RIMS1: variants seen among roughly 807,000 people sequenced by gnomAD.
RIMS1 encodes the protein regulating synaptic membrane exocytosis protein 1.
A neutral mutation model predicts 214.1 loss-of-function variants in RIMS1; 83 were observed. The observed-to-expected ratio is 0.39, with a 90% confidence interval of 0.32 to 0.47. The LOEUF (loss-of-function observed/expected upper bound fraction) is 0.47, where lower values mean the gene tolerates loss of function less well. Ranked by LOEUF, RIMS1 falls within the 20% of genes least tolerant of loss-of-function variation. The probability of loss-of-function intolerance (pLI) is 0.99; values close to 1 mark genes in which losing one functional copy is unlikely to be tolerated. For missense variants in RIMS1, 2,050 were observed against 2,161.8 expected, an observed-to-expected ratio of 0.95 and a Z score of 1.03; for synonymous variants, 793 against 786.8, an observed-to-expected ratio of 1.01 and a Z score of -0.13.
chr6:72,220,497 G>A (rs2154034551), intron 6 of RIMS1, among the ~76,000 whole-genome samples: 1 of 152,146 alleles, frequency 6.6e-6, no homozygotes, highest in South Asian at 2.1e-4. Context: ...TTCAGTGGTA[G>A]AAAAAGTCCT....
chr6:71,950,281 AT>A (rs985443713), intron 1 of RIMS1, among the ~76,000 whole-genome samples: 45 of 152,120 alleles, frequency 3.0e-4, no homozygotes, highest in African/African-American at 1.1e-3. Context: ...TGTTTTTACT[AT>A]GGTGATGGCT....
At chr6:71,952,222 T>C (rs1022658385) in intron 1 of RIMS1, among the ~76,000 whole-genome samples, 14 of 152,188 alleles carry the variant, frequency 9.2e-5, no homozygotes, top group Non-Finnish European at 1.8e-4. Flanking sequence ...CTTCCCACCA[T>C]CACTCTATGC....
At chr6:72,254,703 C>CT (rs1315832526) in intron 16 of RIMS1, among the ~76,000 whole-genome samples, 12 of 152,128 alleles carry the variant, frequency 7.9e-5, no homozygotes, top group African/African-American at 2.4e-4. Flanking sequence ...GTTTCTTCCT[C>CT]TTTCTCTGAG....
intron 29 of RIMS1, among the ~76,000 whole-genome samples, chr6:72,378,815 G>A (rs1298563682): frequency 6.6e-6 from 1 of 152,082 alleles, no homozygotes; most frequent in African/African-American, 2.4e-5. Context: ...CTCCAGCCTG[G>A]GCGACAGAGT....
intron 1 of RIMS1, 121 bp downstream of exon 1, chr6:71,887,308 C>T (rs1411217536): frequency 2.2e-5 from 28 of 1,291,616 alleles, no homozygotes; most frequent in Non-Finnish European, 2.6e-5. Context: ...TGGGTGCGGA[C>T]GGAGGCGCCC....
chr6:72,311,658 T>A (rs1185011522), intron 27 of RIMS1, among the ~76,000 whole-genome samples: 1 of 152,178 alleles, frequency 6.6e-6, no homozygotes, highest in African/African-American at 2.4e-5. Context: ...TGGGAATTAT[T>A]TTCATGCCTG....
At chr6:72,076,411 A>G (rs754708813) in intron 2 of RIMS1, among the ~76,000 whole-genome samples, 9 of 152,098 alleles carry the variant, frequency 5.9e-5, no homozygotes, top group Non-Finnish European at 1.2e-4. Flanking sequence ...GGAGAGAGGG[A>G]GAGGGTTCTG....
intron 10 of RIMS1, among the ~76,000 whole-genome samples, chr6:72,243,765 A>T: frequency 6.6e-6 from 1 of 151,870 alleles, no homozygotes; most frequent in South Asian, 2.1e-4. Context: ...TTAATTAAGA[A>T]GTAATCATCT....
chr6:72,070,679 G>C (rs1206171102), intron 2 of RIMS1, among the ~76,000 whole-genome samples: 2 of 152,196 alleles, frequency 1.3e-5, no homozygotes, highest in African/African-American at 4.8e-5. Flanking sequence ...CTGAACCACT[G>C]AACAAGATTT....
At chr6:72,058,215 C>T (rs976578965) in intron 2 of RIMS1, among the ~76,000 whole-genome samples, 6 of 152,214 alleles carry the variant, frequency 3.9e-5, no homozygotes, top group Non-Finnish European at 5.9e-5. Flanking sequence ...ATTCCCAGAA[C>T]TTACCTTACT....
chr6:72,374,783 A>G (rs1422648313), intron 29 of RIMS1, among the ~76,000 whole-genome samples: 1 of 152,118 alleles, frequency 6.6e-6, no homozygotes, highest in Non-Finnish European at 1.5e-5. Flanking sequence ...TTATTATTAC[A>G]TTGCAATATA....
intron 31 of RIMS1, among the ~76,000 whole-genome samples, chr6:72,394,471 G>A (rs899013586): frequency 7.9e-5 from 12 of 152,032 alleles, no homozygotes; most frequent in African/African-American, 2.9e-4. Flanking sequence ...GGGTAGGAAG[G>A]CAGTGAAAGA....
At chr6:72,389,543 C>T (rs1015134115) in intron 29 of RIMS1, among the ~76,000 whole-genome samples, 1 of 152,120 alleles carries the variant, frequency 6.6e-6, no homozygotes. Flanking sequence ...AATGGCTTAT[C>T]TAAGAGTGTA....
intron 2 of RIMS1, among the ~76,000 whole-genome samples, chr6:71,978,451 G>A (rs982399398): frequency 6.6e-6 from 1 of 151,612 alleles, no homozygotes; most frequent in East Asian, 1.9e-4. Flanking sequence ...TAGTCTGTTG[G>A]GACAGAAGAT....
intron 4 of RIMS1, among the ~76,000 whole-genome samples, chr6:72,153,516 C>G (rs974725954): frequency 2.6e-5 from 4 of 151,980 alleles, no homozygotes; most frequent in Non-Finnish European, 1.5e-5. Context: ...TGGCCATGTT[C>G]TAATCTCTAT....
chr6:71,937,506 G>A (rs1162184903), intron 1 of RIMS1, among the ~76,000 whole-genome samples: 2 of 152,126 alleles, frequency 1.3e-5, no homozygotes, highest in East Asian at 3.9e-4. Flanking sequence ...GCCTTCCTGG[G>A]CCTCCCAAAG....
At chr6:72,357,709 A>G (rs2097691186) in intron 29 of RIMS1, among the ~76,000 whole-genome samples, 1 of 152,110 alleles carries the variant, frequency 6.6e-6, no homozygotes, top group Non-Finnish European at 1.5e-5. Flanking sequence ...ATCCTTCTTT[A>G]CTTGATTTTT....
intron 29 of RIMS1, among the ~76,000 whole-genome samples, chr6:72,358,629 G>C (rs1328741600): frequency 6.6e-6 from 1 of 152,124 alleles, no homozygotes; most frequent in African/African-American, 2.4e-5. Context: ...TCAAGGAAAA[G>C]CATGGGTTTT....
Position 72,075,463 on chromosome 6 carries a change from C to A in RIMS1, c.246-21486C>A, listed in dbSNP as rs573392948. The stretch of plus-strand genomic sequence containing the variant: ...GAGATATCCTTCTAATGATAAAGTC[C>A]ATTATTCAGAAATCATTTTAAGAAA... On this transcript the variant is annotated intron_variant, in intron 2 of 33. Transcript: ENST00000521978. Among the ~76,000 whole-genome samples, 3 of 152,162 alleles carry A rather than the reference C, an allele frequency of 2.0e-5. No homozygotes were observed. In the East Asian group the frequency reaches 5.8e-4, roughly 29 times the overall value.
Sources: gnomAD v4.1 joint callset for allele counts (sites outside exome capture counted in the v4.1 genomes callset) on GRCh38, gnomAD v4.1.1 for gene constraint, MANE v1.5 for transcripts, NCBI Gene and HGNC (gene_info 2026-07-23, HGNC 2026-07-21) for gene names.